MTHFD2L: variants seen among roughly 807,000 people sequenced by gnomAD.
The protein encoded by MTHFD2L is methylenetetrahydrofolate dehydrogenase (NADP+ dependent) 2 like, also known as bifunctional methylenetetrahydrofolate dehydrogenase/cyclohydrolase 2, mitochondrial.
In MTHFD2L, 29 loss-of-function variants were observed where a neutral mutation model predicts 34.9. That is an observed-to-expected ratio of 0.83 (90% CI 0.62 to 1.13). The LOEUF (loss-of-function observed/expected upper bound fraction) is 1.13, where lower values mean the gene tolerates loss of function less well. MTHFD2L is among the 50% of genes most tolerant of loss of function. MTHFD2L has a pLI of 0.00. For missense variants in MTHFD2L, 481 were observed against 446.5 expected, an observed-to-expected ratio of 1.08 and a Z score of -0.70; for synonymous variants, 167 against 155.7, an observed-to-expected ratio of 1.07 and a Z score of -0.54.
rs138714801 is a variant in MTHFD2L, at chr4:74,201,272, C to T, written c.614C>T (p.Thr205Ile). Residue 205 changes from threonine to isoleucine, a missense_variant, in exon 5 of 8, where the codon ACA becomes ATA. Coordinates refer to ENST00000325278, the MANE Select transcript of MTHFD2L (RefSeq NM_001144978.3). Reference sequence around the variant, plus strand: ...AACTCTGTATTTTAAGGAATTCAAACATTTGGAAAAAATGTGGTTGTGGCT... The same window carrying T: ...AACTCTGTATTTTAAGGAATTCAAATATTTGGAAAAAATGTGGTTGTGGCT... ...WEIIKRTGIQ[T>I]FGKNVVVAGR... 13 of 1,613,128 alleles carry T rather than the reference C, an allele frequency of 8.1e-6. No homozygotes were observed. The South Asian group carries it at 9.9e-5, about 12-fold the overall frequency.
At chr4:74,139,320 G>C (rs1431272281) in intron 1 of MTHFD2L, among the ~76,000 whole-genome samples, 1 of 152,150 alleles carries the variant, frequency 6.6e-6, no homozygotes, top group East Asian at 1.9e-4. Context: ...ACTTCTTACA[G>C]CATGGTGCTG....
chr4:74,166,267 T>C (rs1470309134), intron 1 of MTHFD2L, among the ~76,000 whole-genome samples: 1 of 152,252 alleles, frequency 6.6e-6, no homozygotes, highest in Non-Finnish European at 1.5e-5. Context: ...GACTAGCTTC[T>C]GGTTATTGCC....
rs971322117 is a variant in MTHFD2L, at chr4:74,175,263, T to C, written c.329-18T>C. 3.7e-6 allele frequency: 6 copies of C among 1,609,918 alleles called. No individual in the cohort carries two copies. The highest frequency in any genetic ancestry group is 4.2e-6 in the Non-Finnish European group (5 of 1,177,850). On this transcript the variant is annotated intron_variant, in intron 2 of 7. Coordinates refer to ENST00000325278, the MANE Select transcript of MTHFD2L (RefSeq NM_001144978.3). ...ATTCAGTTAGTCAAGTGACCTTCTC[T>C]ACCTGTTTTTCTTCTAGGTATTTGT...
intron 3 of MTHFD2L, among the ~76,000 whole-genome samples, chr4:74,189,150 A>G (rs1220208670): frequency 6.6e-6 from 1 of 152,086 alleles, no homozygotes; most frequent in African/African-American, 2.4e-5. Context: ...ATTATGAAAA[A>G]CTAATTTAAA....
rs190235091 is a variant in MTHFD2L, at chr4:74,272,429, T to C, written c.806-8996T>C. On this transcript the variant is annotated intron_variant, in intron 6 of 7. Coordinates refer to ENST00000325278, the MANE Select transcript of MTHFD2L (RefSeq NM_001144978.3). ...TTTTAACATTATAAGAAATTTCTCC[T>C]TGTGAATTTAAGGGTAAAATGAGAA... is the stretch of plus-strand genomic sequence containing the variant. Among the ~76,000 whole-genome samples, 498 of 152,262 alleles carry C rather than the reference T, an allele frequency of 3.3e-3. 5 individuals carry two copies. The highest frequency in any genetic ancestry group is 5.5e-3 in the Non-Finnish European group (373 of 68,014).
At chr4:74,258,718 ACAT>A (rs542670111) in intron 6 of MTHFD2L, among the ~76,000 whole-genome samples, 52 of 152,302 alleles carry the variant, frequency 3.4e-4, no homozygotes, top group African/African-American at 1.2e-3. Flanking sequence ...GAAACATCTA[ACAT>A]CATATAGATT....
chr4:74,299,292 T>C (rs1006663323), intron 7 of MTHFD2L, among the ~76,000 whole-genome samples: 2 of 151,954 alleles, frequency 1.3e-5, no homozygotes, highest in Non-Finnish European at 2.9e-5. Flanking sequence ...TATATTAATA[T>C]TTCAAAGTTA....
At chr4:74,266,564 G>T (rs1207137350) in intron 6 of MTHFD2L, among the ~76,000 whole-genome samples, 2 of 152,146 alleles carry the variant, frequency 1.3e-5, no homozygotes. Flanking sequence ...CCAAGACACA[G>T]CCCAGGGAGC....
upstream of MTHFD2L, among the ~76,000 whole-genome samples, chr4:74,154,821 C>T (rs779162285): frequency 6.6e-6 from 1 of 152,126 alleles, no homozygotes; most frequent in Non-Finnish European, 1.5e-5. Context: ...GCATTCTCAG[C>T]TGGCAAAGCA....
At position 74,192,264 on chromosome 4, in the gene MTHFD2L, T is replaced by G. The variant is rs543811011; in HGVS notation, c.452-7530T>G. Among the ~76,000 whole-genome samples, 44 of 152,282 alleles carry G rather than the reference T, an allele frequency of 2.9e-4. No homozygotes were observed. In the Middle Eastern group the frequency reaches 0.017, roughly 59 times the overall value. On this transcript the variant is annotated intron_variant, in intron 3 of 7. Transcript: ENST00000325278. ...TTTATCTGACCGCCTCCCAACATAT[T>G]GTTATAAAAAATTCAAACATACAGG...
At chr4:74,226,891 A>G (rs1238710037) in intron 6 of MTHFD2L, among the ~76,000 whole-genome samples, 5 of 152,212 alleles carry the variant, frequency 3.3e-5, no homozygotes, top group Non-Finnish European at 5.9e-5. Context: ...GATAAGTGCT[A>G]TAATGAAACT....
At position 74,260,037 on chromosome 4, in the gene MTHFD2L, G is replaced by A. The variant is rs769581563; in HGVS notation, c.806-21388G>A. Among the ~76,000 whole-genome samples the A allele has an allele frequency of 4.6e-5, 7 of 152,278 alleles. No individual in the cohort carries two copies. In the South Asian group the frequency reaches 1.5e-3, roughly 32 times the overall value. On this transcript the variant is annotated intron_variant, in intron 6 of 7. Coordinates refer to ENST00000325278, the MANE Select transcript of MTHFD2L (RefSeq NM_001144978.3). ...GCACTTATGATCATGCTCCACTACA[G>A]CCATTGCCATGCCAAACCCTCTGGG...
chr4:74,120,765 G>A (rs1161729335), upstream of MTHFD2L, among the ~76,000 whole-genome samples: 1 of 152,232 alleles, frequency 6.6e-6, no homozygotes, highest in Non-Finnish European at 1.5e-5. Context: ...ATATACATAA[G>A]TGAGATGGCT....
chr4:74,289,879 T>C (rs1294552112), intron 7 of MTHFD2L, among the ~76,000 whole-genome samples: 1 of 152,120 alleles, frequency 6.6e-6, no homozygotes, highest in African/African-American at 2.4e-5. Context: ...TCTTAAAGGT[T>C]CAATGAATTT....
intron 6 of MTHFD2L, chr4:74,267,052 A>G (rs1230643970): frequency 2.0e-6 from 2 of 985,172 alleles, no homozygotes; most frequent in Non-Finnish European, 2.4e-6. Context: ...TTCAACTAAT[A>G]TACCTCTCCT....
chr4:74,196,875 G>A (rs1268807044), intron 3 of MTHFD2L, among the ~76,000 whole-genome samples: 1 of 151,644 alleles, frequency 6.6e-6, no homozygotes, highest in Non-Finnish European at 1.5e-5. Context: ...GAACCCAGGA[G>A]GCGGAGGTTG....
At chr4:74,253,968 G>T (rs1461699119) in intron 6 of MTHFD2L, among the ~76,000 whole-genome samples, 1 of 152,114 alleles carries the variant, frequency 6.6e-6, no homozygotes, top group Non-Finnish European at 1.5e-5. Context: ...CAAATGCCAA[G>T]ACTTCCTCAG....
At chr4:74,147,135 A>G (rs1723641723) in intron 1 of MTHFD2L, among the ~76,000 whole-genome samples, 1 of 152,080 alleles carries the variant, frequency 6.6e-6, no homozygotes, top group Admixed American at 6.6e-5. Flanking sequence ...TTGAAGGATT[A>G]GTTATTTATT....
At chr4:74,208,100 ACT>A (rs1192368403) in intron 5 of MTHFD2L, among the ~76,000 whole-genome samples, 1 of 151,848 alleles carries the variant, frequency 6.6e-6, no homozygotes, top group Admixed American at 6.6e-5. Flanking sequence ...AGTCTCTGCC[ACT>A]CTCATCCCAC....
Sources: gnomAD v4.1 joint callset for allele counts (sites outside exome capture counted in the v4.1 genomes callset) on GRCh38, gnomAD v4.1.1 for gene constraint, MANE v1.5 for transcripts, NCBI Gene and HGNC (gene_info 2026-07-23, HGNC 2026-07-21) for gene names.